The following SMTNL2 variants were observed in gnomAD, a reference collection of about 807,000 sequenced individuals.
SMTNL2 encodes the protein smoothelin like 2.
A neutral mutation model predicts 44.1 loss-of-function variants in SMTNL2; 43 were observed. The observed-to-expected ratio is 0.98, with a 90% CI of 0.76 to 1.26. SMTNL2 has a LOEUF of 1.26. Ranked by LOEUF, SMTNL2 falls within the 50% of genes most tolerant of loss-of-function variation. The probability of loss-of-function intolerance (pLI) is 0.00; values close to 1 mark genes in which losing one functional copy is unlikely to be tolerated. For missense variants in SMTNL2, 646 were observed against 670.2 expected (o/e 0.96, Z 0.40); for synonymous variants, 317 against 287.6 (o/e 1.10, Z -1.03).
At chr17:4,593,382 G>A (rs1909664824) in intron 3 of SMTNL2, among the ~76,000 whole-genome samples, 1 of 152,250 alleles carries the variant, frequency 6.6e-6, no homozygotes. Context: ...CCCCTGGTGG[G>A]GGCGACCGTG....
In SMTNL2 at chr17:4,595,423, C is replaced by T; in HGVS notation, c.989+96C>T. 1 of 1,477,608 alleles carries T rather than the reference C, an allele frequency of 6.8e-7. No homozygotes were observed. The highest frequency in any genetic ancestry group is 2.4e-5 in the East Asian group (1 of 42,234). The allele number at this position is 1,477,608 out of a possible 1,614,324, so 91.5% of individuals were successfully genotyped here. ...GCAGCAGGGCAAGGTTCAGCCCTGTCCTGTTCCCCAGGGCGCTGTTGCCCA... is the reference window on the plus strand; with the variant it reads ...GCAGCAGGGCAAGGTTCAGCCCTGTTCTGTTCCCCAGGGCGCTGTTGCCCA... On this transcript the variant is annotated intron_variant, in intron 5 of 7. Coordinates refer to ENST00000389313, the MANE Select transcript of SMTNL2 (RefSeq NM_001114974.2). The surrounding 1 kb of genome is among the most constrained non-coding windows in gnomAD (Gnocchi z 5.1).
intron 7 of SMTNL2, among the ~76,000 whole-genome samples, chr17:4,599,389 C>T (rs577840078): frequency 6.6e-6 from 1 of 152,174 alleles, no homozygotes; most frequent in East Asian, 1.9e-4. Context: ...GCCCAGCTGC[C>T]GAAGCCCAGA....
In SMTNL2 at chr17:4,584,841, G is replaced by T; in HGVS notation, c.236G>T (p.Arg79Leu). Residue 79 changes from arginine to leucine, a missense_variant, in exon 1 of 8, where the codon CGC becomes CTC. Arg to Leu is a moderately radical substitution (Grantham distance 102). Coordinates refer to ENST00000389313, the MANE Select transcript of SMTNL2 (RefSeq NM_001114974.2). ...RLQAQLERLT[R>L]QVEALGLASG... ...CAGGCGCAGCTCGAGCGCCTGACGC[G>T]CCAGGTGGAGGCGCTGGGCTTGGCC... 7.5e-7 allele frequency: 1 copy of T among 1,328,970 alleles called. No individual in the cohort carries two copies. The highest frequency in any genetic ancestry group is 9.6e-7 in the Non-Finnish European group (1 of 1,039,812). The allele number at this position is 1,328,970 out of a possible 1,614,324, so 82.3% of individuals were successfully genotyped here. A position where few individuals can be genotyped will look rare whatever the true frequency, so the allele number is the denominator to read the frequency against.
At position 4,595,176 on chromosome 17, in the gene SMTNL2, G is replaced by T. The variant is rs150082496; in HGVS notation, c.838G>T (p.Val280Leu). 1.9e-6 allele frequency: 3 copies of T among 1,613,056 alleles called. No homozygotes were observed. Among genetic ancestry groups the T allele is most frequent in the Admixed American group, 1.7e-5 (1 of 60,004 alleles). Residue 280 changes from valine to leucine, a missense_variant, in exon 5 of 8, where the codon GTG becomes TTG. By Grantham distance (32) the Val-to-Leu change is conservative. Transcript: ENST00000389313. This position sits in a 1 kb window ranked among gnomAD's most constrained non-coding sequence, Gnocchi z 5.1. ...PPLVTPPQSPVSPQPPAITQV... is the reference protein window; with the variant it reads ...PPLVTPPQSPLSPQPPAITQV... The stretch of plus-strand genomic sequence containing the variant: ...GCTGGTGACACCACCCCAGTCGCCC[G>T]TGTCCCCGCAGCCGCCAGCCATAAC...
At chr17:4,594,928 C>A (rs994127640) in intron 4 of SMTNL2, 2 of 624,680 alleles carry the variant, frequency 3.2e-6, no homozygotes, top group Non-Finnish European at 5.6e-6. Context: ...TCGGGCCCAG[C>A]GTCTCCTGAG....
chr17:4,599,152 G>T (rs1297344521), intron 7 of SMTNL2, among the ~76,000 whole-genome samples: 1 of 152,230 alleles, frequency 6.6e-6, no homozygotes, highest in East Asian at 1.9e-4. Context: ...ATCGGTATCA[G>T]CCCTGTTATG....
At chr17:4,597,698 C>T (rs1013731703) in intron 7 of SMTNL2, among the ~76,000 whole-genome samples, 2 of 152,242 alleles carry the variant, frequency 1.3e-5, no homozygotes, top group African/African-American at 4.8e-5. Flanking sequence ...GATGCCGTTG[C>T]TTGCATGAGC....
chr17:4,593,898 G>T lies in SMTNL2; in HGVS notation c.806+1G>T. The T allele has an allele frequency of 6.2e-7, 1 of 1,613,992 alleles. No individual in the cohort carries two copies. The highest frequency in any genetic ancestry group is 1.3e-5 in the African/African-American group (1 of 75,050). ...TGACAGCAAGCAAACACAGCAATAG[G>T]TGAGTCAGGGCCTGTGTTCCTGTGG... is the stretch of plus-strand genomic sequence containing the variant. On this transcript the variant is annotated splice_donor_variant, in intron 4 of 7. Transcript: ENST00000389313. LOFTEE classifies it high-confidence loss of function.
At chr17:4,605,696 C>A (rs530073357) in intron 7 of SMTNL2, among the ~76,000 whole-genome samples, 3 of 152,100 alleles carry the variant, frequency 2.0e-5, no homozygotes, top group Non-Finnish European at 4.4e-5. Context: ...AGACTGGAGA[C>A]CCCTGGAACT....
chr17:4,599,948 G>A (rs1377208863), intron 7 of SMTNL2, among the ~76,000 whole-genome samples: 1 of 152,258 alleles, frequency 6.6e-6, no homozygotes, highest in Non-Finnish European at 1.5e-5. Context: ...TGTGGAGGGG[G>A]CAGGGAGGAT....
At chr17:4,585,222 G>T (rs1335981023) in intron 1 of SMTNL2, among the ~76,000 whole-genome samples, 3 of 152,216 alleles carry the variant, frequency 2.0e-5, no homozygotes, top group Non-Finnish European at 2.9e-5. Flanking sequence ...TTGGTCCTCC[G>T]CCCTGTTTTA....
In SMTNL2 at chr17:4,598,079, C is replaced by G. The variant is rs1174741048; in HGVS notation, c.1259+756C>G. Among the ~76,000 whole-genome samples, 1 of 152,202 alleles carries G rather than the reference C, an allele frequency of 6.6e-6. No homozygotes were observed. The highest frequency in any genetic ancestry group is 2.4e-5 in the African/African-American group (1 of 41,456). ...CGTGGGTCAGGCCTCATGCAGCAGC[C>G]TCGGGATAACAGCAGTGTGGCGGAT... On this transcript the variant is annotated intron_variant, in intron 7 of 7. Coordinates refer to ENST00000389313, the MANE Select transcript of SMTNL2 (RefSeq NM_001114974.2). This position sits in a 1 kb window ranked among gnomAD's most constrained non-coding sequence, Gnocchi z 4.8.
chr17:4,599,926 G>A (rs746531265), intron 7 of SMTNL2, among the ~76,000 whole-genome samples: 55 of 152,280 alleles, frequency 3.6e-4, no homozygotes, highest in Non-Finnish European at 7.2e-4. Flanking sequence ...GGTGGCCTGG[G>A]CCTGCTCCAG....
In SMTNL2 at chr17:4,585,090, G is replaced by A. The variant is rs545034362; in HGVS notation, c.399+86G>A. Reference sequence around the variant, plus strand: ...CCCTTCGCCCCGACTGCCTGCCTCTGCTCGCGTCTGCGGGGTTGGGGCCTT... The same window carrying A: ...CCCTTCGCCCCGACTGCCTGCCTCTACTCGCGTCTGCGGGGTTGGGGCCTT... On this transcript the variant is annotated intron_variant, in intron 1 of 7. Coordinates refer to ENST00000389313, the MANE Select transcript of SMTNL2 (RefSeq NM_001114974.2). 3.8e-5 allele frequency: 47 copies of A among 1,241,926 alleles called. No individual in the cohort carries two copies. In the African/African-American group the frequency reaches 6.9e-4, roughly 18 times the overall value. 76.9% of individuals were successfully genotyped at this position (1,241,926 alleles called of 1,614,324 possible).
chr17:4,594,919 C>A (rs1468825752), intron 4 of SMTNL2: 1 of 607,676 alleles, frequency 1.6e-6, no homozygotes, highest in Non-Finnish European at 2.9e-6. Context: ...ATGTCCAGAT[C>A]GGGCCCAGCG....
intron 7 of SMTNL2, among the ~76,000 whole-genome samples, chr17:4,599,518 C>G (rs951263544): frequency 6.6e-6 from 1 of 152,180 alleles, no homozygotes; most frequent in African/African-American, 2.4e-5. Context: ...CGAGGTCACC[C>G]CCACACCCAC....
chr17:4,597,413 T>G, intron 7 of SMTNL2, 90 bp downstream of exon 7: 1 of 1,544,654 alleles, frequency 6.5e-7, no homozygotes, highest in Non-Finnish European at 8.8e-7. Flanking sequence ...GCGAGTGGGA[T>G]GTCGGGCCGC....
chr17:4,601,416 A>G (rs539754885), intron 7 of SMTNL2, among the ~76,000 whole-genome samples: 13 of 151,216 alleles, frequency 8.6e-5, no homozygotes, highest in Middle Eastern at 3.4e-3. Context: ...CCTCATCTCA[A>G]AAAAAAAAAT....
chr17:4,596,738 G>A (rs1358140942), intron 5 of SMTNL2, 122 bp from the exon 6 acceptor site: 5 of 807,882 alleles, frequency 6.2e-6, no homozygotes, highest in African/African-American at 5.3e-5. Context: ...TCTCCCCTGG[G>A]TGAGCAGAGC....
Sources: allele counts gnomAD v4.1 joint callset (sites outside exome capture counted in the v4.1 genomes callset), GRCh38; gene constraint gnomAD v4.1.1; non-coding constraint Gnocchi (gnomAD v3.1); transcripts MANE v1.5; gene names NCBI Gene and HGNC (gene_info 2026-07-23, HGNC 2026-07-21).